Variants in GRIK3 observed in about 807,000 individuals in gnomAD.
The protein encoded by GRIK3 is glutamate ionotropic receptor kainate type subunit 3, also known as glutamate receptor ionotropic, kainate 3.
Under a neutral mutation model 102.5 loss-of-function variants are expected in GRIK3, and 29 were observed. The observed-to-expected ratio is 0.28, with a 90% CI of 0.21 to 0.39. The LOEUF (loss-of-function observed/expected upper bound fraction) is 0.39. Ranked by LOEUF, GRIK3 falls within the 10% of genes least tolerant of loss-of-function variation. The pLI is 1.00. For missense variants in GRIK3, 908 were observed against 1,252.4 expected, an observed-to-expected ratio of 0.73 and a Z score of 4.15; for synonymous variants, 511 against 504.9, an observed-to-expected ratio of 1.01 and a Z score of -0.16.
intron 13 of GRIK3, among the ~76,000 whole-genome samples, chr1:36,814,119 G>C (rs1277578732): frequency 6.6e-6 from 1 of 152,176 alleles, no homozygotes; most frequent in African/African-American, 2.4e-5. Context: ...GGTGGGTGAG[G>C]GCAGAGGAGG....
chr1:36,954,974 G>T (rs914278198), intron 1 of GRIK3, among the ~76,000 whole-genome samples: 2 of 152,222 alleles, frequency 1.3e-5, no homozygotes. Flanking sequence ...CTGGGTAAGG[G>T]CCTATTCCTT....
chr1:36,912,573 T>C (rs1641357863), intron 1 of GRIK3, among the ~76,000 whole-genome samples: 1 of 152,008 alleles, frequency 6.6e-6, no homozygotes. Context: ...ACCCTAGCCC[T>C]CCTCACAGGG....
chr1:36,934,049 C>T (rs1641626489), intron 1 of GRIK3, among the ~76,000 whole-genome samples: 1 of 152,214 alleles, frequency 6.6e-6, no homozygotes, highest in African/African-American at 2.4e-5. Flanking sequence ...GCAGTAAGGT[C>T]ACAAGGGGCT....
intron 1 of GRIK3, among the ~76,000 whole-genome samples, chr1:36,918,082 G>T (rs1418142551): frequency 6.6e-6 from 1 of 152,210 alleles, no homozygotes; most frequent in Non-Finnish European, 1.5e-5. Context: ...TAAAGACACT[G>T]TACTCCTCTA....
chr1:36,878,060 A>T (rs1023440629), intron 3 of GRIK3, among the ~76,000 whole-genome samples: 4 of 152,204 alleles, frequency 2.6e-5, no homozygotes, highest in Non-Finnish European at 5.9e-5. Context: ...TTCCAATTCA[A>T]TCCAAACTAA....
intron 1 of GRIK3, among the ~76,000 whole-genome samples, chr1:36,962,942 TGAG>T (rs1203174806): frequency 7.0e-6 from 1 of 142,986 alleles, no homozygotes; most frequent in Non-Finnish European, 1.5e-5. Flanking sequence ...AGGGACATGA[TGAG>T]GAGAGAGATG....
chr1:36,902,950 C>T (rs553949374), intron 1 of GRIK3, among the ~76,000 whole-genome samples: 9 of 152,120 alleles, frequency 5.9e-5, no homozygotes, highest in South Asian at 2.1e-4. Context: ...CCACCACATC[C>T]GGCTAATTTT....
intron 1 of GRIK3, among the ~76,000 whole-genome samples, chr1:36,926,389 G>C (rs954143791): frequency 6.7e-6 from 1 of 149,818 alleles, no homozygotes; most frequent in Non-Finnish European, 1.5e-5. Flanking sequence ...TCCCCTCTAC[G>C]CCCCACTTTT....
At chr1:36,877,648 C>A (rs1640924542) in intron 3 of GRIK3, among the ~76,000 whole-genome samples, 1 of 152,196 alleles carries the variant, frequency 6.6e-6, no homozygotes, top group African/African-American at 2.4e-5. Flanking sequence ...AATCCTCTCC[C>A]CTAGCCAGGC....
rs563378860 is a variant in GRIK3 at position 36,844,801 on chromosome 1, G to A, written c.1327-2862C>T. ...CTTTTTCTTGTATGCTATTTGGCGG[G>A]TTACTGCAGTGACCTTTGCAGCCTA... On this transcript the variant is annotated intron_variant, in intron 9 of 15. Coordinates refer to ENST00000373091, the MANE Select transcript of GRIK3 (RefSeq NM_000831.4). 1.2e-4 allele frequency among the ~76,000 whole-genome samples: 18 copies of A among 152,178 alleles called. 1 individual carries two copies. In the South Asian group the frequency reaches 3.5e-3, roughly 30 times the overall value.
intron 1 of GRIK3, among the ~76,000 whole-genome samples, chr1:36,983,896 C>T (rs1295392391): frequency 1.3e-5 from 2 of 152,180 alleles, no homozygotes; most frequent in African/African-American, 4.8e-5. Context: ...GGCACTGAGG[C>T]CTGCTCTAGT....
intron 1 of GRIK3, among the ~76,000 whole-genome samples, chr1:36,968,223 G>A (rs1351357155): frequency 1.8e-4 from 1 of 5,622 alleles, no homozygotes; most frequent in Admixed American, 2.5e-3. Context: ...CTCTCTCCGT[G>A]TGTGTGTGTG....
At chr1:36,967,875 C>A (rs1348940158) in intron 1 of GRIK3, among the ~76,000 whole-genome samples, 1 of 152,214 alleles carries the variant, frequency 6.6e-6, no homozygotes, top group Non-Finnish European at 1.5e-5. Flanking sequence ...AAATAGTAAG[C>A]ACTCAATAAA....
intron 1 of GRIK3, among the ~76,000 whole-genome samples, chr1:36,943,324 A>G (rs1641747953): frequency 6.6e-6 from 1 of 152,210 alleles, no homozygotes; most frequent in East Asian, 1.9e-4. Flanking sequence ...CTGAGGGGTC[A>G]AGCAAGGCAG....
rs1260119810 is a variant in GRIK3, at chr1:36,872,726, A to C, written c.551-357T>G. Among the ~76,000 whole-genome samples the C allele has an allele frequency of 7.9e-5, 12 of 152,204 alleles. No individual in the cohort carries two copies. The highest frequency in any genetic ancestry group is 7.9e-4 in the Admixed American group (12 of 15,286). On this transcript the variant is annotated intron_variant, in intron 3 of 15. Transcript: ENST00000373091. This position sits in a 1 kb window ranked among gnomAD's most constrained non-coding sequence, Gnocchi z 5.9. ...TAGCAAATTCCCACTGACCACACCC[A>C]TCTGCTTCTCTCTAACCCAGAATGG...
At chr1:36,982,562 GAGA>G (rs1165015846) in intron 1 of GRIK3, among the ~76,000 whole-genome samples, 2 of 152,216 alleles carry the variant, frequency 1.3e-5, no homozygotes, top group Non-Finnish European at 2.9e-5. Context: ...ATTCAAGCTG[GAGA>G]AGAAGCACCT....
chr1:36,975,734 G>A (rs778188715), intron 1 of GRIK3, among the ~76,000 whole-genome samples: 1 of 152,152 alleles, frequency 6.6e-6, no homozygotes, highest in Non-Finnish European at 1.5e-5. Context: ...CCACTGCTGC[G>A]TGCTCCTGAG....
At chr1:36,814,513 C>CG (rs2124186525) in intron 13 of GRIK3, among the ~76,000 whole-genome samples, 1 of 129,454 alleles carries the variant, frequency 7.7e-6, no homozygotes, top group African/African-American at 2.9e-5. Flanking sequence ...ACATAGACCC[C>CG]CCCCCCCCAC....
intron 1 of GRIK3, among the ~76,000 whole-genome samples, chr1:37,030,901 G>T (rs1642820212): frequency 6.6e-6 from 1 of 152,146 alleles, no homozygotes; most frequent in Admixed American, 6.5e-5. Context: ...GCCAGGGAGA[G>T]GTGTGATTTG....
Sources: allele counts gnomAD v4.1 joint callset (sites outside exome capture counted in the v4.1 genomes callset), GRCh38; gene constraint gnomAD v4.1.1; non-coding constraint Gnocchi (gnomAD v3.1); transcripts MANE v1.5; gene names NCBI Gene and HGNC (gene_info 2026-07-23, HGNC 2026-07-21).